Variants in RPA1 observed in about 807,000 individuals in gnomAD.
RPA1 encodes replication protein A 70 kDa DNA-binding subunit.
Under a neutral mutation model 83.0 loss-of-function variants are expected in RPA1, and 49 were observed. The observed-to-expected ratio is 0.59, with a 90% confidence interval of 0.47 to 0.75. RPA1 has a LOEUF of 0.75. Ranked by LOEUF, RPA1 falls within the 30% of genes least tolerant of loss-of-function variation. RPA1 has a pLI of 0.00. For synonymous variants in RPA1, 279 were observed against 281.8 expected (o/e 0.99, Z 0.10); for missense variants, 693 against 776.1 (o/e 0.89, Z 1.27).
At chr17:1,895,864 G>A (rs1914399848) in intron 16 of RPA1, among the ~76,000 whole-genome samples, 1 of 151,816 alleles carries the variant, frequency 6.6e-6, no homozygotes, top group Non-Finnish European at 1.5e-5. Context: ...TGTATTTTTA[G>A]TAGAGACGGA....
chr17:1,881,346 G>T (rs17292168), intron 12 of RPA1, among the ~76,000 whole-genome samples: 2 of 152,156 alleles, frequency 1.3e-5, no homozygotes, highest in Non-Finnish European at 2.9e-5. Flanking sequence ...GTAGTCTATG[G>T]GGGGGAAGTG....
intron 14 of RPA1, among the ~76,000 whole-genome samples, chr17:1,889,334 A>ATT (rs780976221): frequency 3.8e-5 from 3 of 79,570 alleles, no homozygotes; most frequent in South Asian, 3.7e-4. Context: ...GGTTTAAAAA[A>ATT]ATTTTTTTTT....
chr17:1,840,130 C>G (rs910347417), intron 1 of RPA1, among the ~76,000 whole-genome samples: 3 of 151,742 alleles, frequency 2.0e-5, no homozygotes, highest in Non-Finnish European at 4.4e-5. Context: ...AAAATGAAAA[C>G]AGACGTTTGT....
chr17:1,879,101 G>T, intron 9 of RPA1, 40 bp downstream of exon 9: 1 of 1,612,778 alleles, frequency 6.2e-7, no homozygotes, highest in South Asian at 1.1e-5. Context: ...CCGCCTGGGG[G>T]TGGAGTGCGG....
chr17:1,844,659 T>G lies in RPA1; in HGVS notation c.245T>G (p.Phe82Cys). Residue 82 changes from phenylalanine to cysteine, a missense_variant, in exon 4 of 17, where the codon TTT (phenylalanine) becomes TGT (cysteine). Physicochemically the swap from Phe to Cys is radical, Grantham distance 205 (BLOSUM62 -2). Transcript: ENST00000254719. Reference protein sequence around the residue: ...SSNCVCQIHRFIVNTLKDGRR... With the variant: ...SSNCVCQIHRCIVNTLKDGRR... ...AACTGTGTATGCCAGATTCACAGAT[T>G]TATTGTGAACACTCTGAAAGACGGA... 1 of 1,613,260 alleles carries G rather than the reference T, an allele frequency of 6.2e-7. No individual in the cohort carries two copies. Among genetic ancestry groups the G allele is most frequent in the Non-Finnish European group, 8.5e-7 (1 of 1,179,374 alleles).
rs1019541717 is a variant in RPA1 at position 1,884,468 on chromosome 17, T to C, written c.1374+524T>C. Among the ~76,000 whole-genome samples, 2 of 152,188 alleles carry C rather than the reference T, an allele frequency of 1.3e-5. No homozygotes were observed. Among genetic ancestry groups the C allele is most frequent in the Admixed American group, 1.3e-4 (2 of 15,278 alleles). On this transcript the variant is annotated intron_variant, in intron 13 of 16. Coordinates refer to ENST00000254719, the MANE Select transcript of RPA1 (RefSeq NM_002945.5). This position sits in a 1 kb window ranked among gnomAD's most constrained non-coding sequence, Gnocchi z 4.1. The stretch of plus-strand genomic sequence containing the variant: ...CTGACATTTGACTTTTAGTTGCAGC[T>C]TTTTCCTTTCAGTGTTTGTATTTAA...
At chr17:1,843,456 G>A (rs1912132110) in intron 2 of RPA1, among the ~76,000 whole-genome samples, 2 of 151,730 alleles carry the variant, frequency 1.3e-5, no homozygotes, top group African/African-American at 2.4e-5. Flanking sequence ...CGGCTCTGCC[G>A]CCTGATCACG....
chr17:1,837,975 G>GAGT (rs1481031778), intron 1 of RPA1, among the ~76,000 whole-genome samples: 1 of 151,980 alleles, frequency 6.6e-6, no homozygotes, highest in East Asian at 1.9e-4. Context: ...GTTTTTTGCA[G>GAGT]AGTTGTGTTT....
chr17:1,882,382 C>T (rs1043445061), intron 12 of RPA1, among the ~76,000 whole-genome samples: 2 of 152,118 alleles, frequency 1.3e-5, no homozygotes, highest in Non-Finnish European at 2.9e-5. Flanking sequence ...TTGGGCCAGG[C>T]ACGGTGGCTC....
At chr17:1,852,592 C>T (rs1175362885) in intron 4 of RPA1, among the ~76,000 whole-genome samples, 2 of 152,144 alleles carry the variant, frequency 1.3e-5, no homozygotes, top group Non-Finnish European at 2.9e-5. Flanking sequence ...CAAGGCCAGG[C>T]CAGGCAAGCC....
At chr17:1,854,019 G>A (rs543173378) in intron 5 of RPA1, 14 of 152,194 alleles carry the variant, frequency 9.2e-5, no homozygotes, top group African/African-American at 3.4e-4. Flanking sequence ...AATATATAAC[G>A]TTGTTTTACT....
chr17:1,847,448 C>G (rs1041670547), intron 4 of RPA1, among the ~76,000 whole-genome samples: 1 of 152,200 alleles, frequency 6.6e-6, no homozygotes, highest in African/African-American at 2.4e-5. Flanking sequence ...AGCTCCACTC[C>G]CCTGGGCTTT....
At chr17:1,865,075 G>C (rs183565920) in intron 5 of RPA1, among the ~76,000 whole-genome samples, 127 of 152,320 alleles carry the variant, frequency 8.3e-4, no homozygotes, top group Non-Finnish European at 1.2e-3. Context: ...AGAATCTCAG[G>C]TCTGGACCTT....
chr17:1,843,967 G>A lies in RPA1; in HGVS notation c.132G>A (p.Leu44=). ...GGAATAGTCCGCCGCGTTATCGACTGCTCATGAGTGATGGATTGAACACTC... is the reference window on the plus strand; with the variant it reads ...GGAATAGTCCGCCGCGTTATCGACTACTCATGAGTGATGGATTGAACACTC... ...TTGNSPPRYR[L]LMSDGLNTLS... Residue 44 remains leucine (L), a synonymous_variant, in exon 3 of 17, where the codon CTG becomes CTA. Coordinates refer to ENST00000254719, the MANE Select transcript of RPA1 (RefSeq NM_002945.5). 6.2e-7 allele frequency: 1 copy of A among 1,613,906 alleles called. No homozygotes were observed.
intron 14 of RPA1, 87 bp downstream of exon 14, chr17:1,888,938 A>G (rs1435994041): frequency 2.7e-5 from 38 of 1,400,666 alleles, no homozygotes; most frequent in Non-Finnish European, 3.7e-5. Flanking sequence ...CAGTAGAGAC[A>G]AAGCATTCCT....
chr17:1,874,829 C>G (rs1346609036), intron 6 of RPA1, among the ~76,000 whole-genome samples: 1 of 152,066 alleles, frequency 6.6e-6, no homozygotes, highest in East Asian at 1.9e-4. Context: ...TGGCACATGC[C>G]GTGGAAACCC....
intron 5 of RPA1, among the ~76,000 whole-genome samples, chr17:1,857,267 C>CTT (rs35514214): frequency 3.6e-4 from 49 of 134,818 alleles, no homozygotes; most frequent in South Asian, 7.1e-4. Flanking sequence ...TTTTCTTTTT[C>CTT]TTTTTTTTTT....
At chr17:1,857,214 A>T (rs1912730535) in intron 5 of RPA1, among the ~76,000 whole-genome samples, 1 of 150,132 alleles carries the variant, frequency 6.7e-6, no homozygotes, top group Admixed American at 6.6e-5. Context: ...GTTATTTAGA[A>T]ATGTGTTTAG....
rs976152853 is a variant in RPA1, at chr17:1,896,197, A to T, written c.1747-874A>T. Among the ~76,000 whole-genome samples, 3 of 152,338 alleles carry T rather than the reference A, an allele frequency of 2.0e-5. 1 individual carries two copies. In the East Asian group the frequency reaches 5.8e-4, roughly 29 times the overall value. ...TGTATGCTAGCAAGTGGTCGAGCTAACGTCCAACCCAGGCAGCCTGACTTC... is the reference window on the plus strand; with the variant it reads ...TGTATGCTAGCAAGTGGTCGAGCTATCGTCCAACCCAGGCAGCCTGACTTC... On this transcript the variant is annotated intron_variant, in intron 16 of 16. Coordinates refer to ENST00000254719, the MANE Select transcript of RPA1 (RefSeq NM_002945.5).
Sources: gnomAD v4.1 joint callset for allele counts (sites outside exome capture counted in the v4.1 genomes callset) on GRCh38, gnomAD v4.1.1 for gene constraint, Gnocchi (gnomAD v3.1) non-coding constraint, MANE v1.5 for transcripts, NCBI Gene and HGNC (gene_info 2026-07-23, HGNC 2026-07-21) for gene names.